Variants in PCDHGA8 observed in about 807,000 individuals in gnomAD.
PCDHGA8 encodes protocadherin gamma-A8.
A neutral mutation model predicts 59.2 loss-of-function variants in PCDHGA8; 45 were observed. The observed-to-expected ratio is 0.76, with a 90% CI of 0.60 to 0.98. The LOEUF (loss-of-function observed/expected upper bound fraction) is 0.98. PCDHGA8 is among the 50% of genes least tolerant of loss of function. PCDHGA8 has a pLI of 0.00. For missense variants in PCDHGA8, 1,257 were observed against 1,196.2 expected (o/e 1.05, Z -0.75); for synonymous variants, 531 against 519.0 (o/e 1.02, Z -0.32).
chr5:141,415,435 C>G, intron 1 of PCDHGA8: 1 of 1,614,202 alleles, frequency 6.2e-7, no homozygotes. Flanking sequence ...TCGGGCTTTC[C>G]TGCAGACCTA....
At chr5:141,447,136 TTTTTTG>T (rs1304915683) in intron 1 of PCDHGA8, among the ~76,000 whole-genome samples, 4 of 152,090 alleles carry the variant, frequency 2.6e-5, no homozygotes, top group Admixed American at 6.6e-5. Context: ...TGTTTGTTTG[TTTTTTG>T]TTTTTGTTTT....
rs2099747616 is a variant in PCDHGA8 at position 141,493,318 on chromosome 5, TA to T, written c.2425-1487del. 6.6e-6 allele frequency among the ~76,000 whole-genome samples: 1 copy of T among 152,234 alleles called. No homozygotes were observed. Among genetic ancestry groups the T allele is most frequent in the South Asian group, 2.1e-4 (1 of 4,828 alleles). On this transcript the variant is annotated intron_variant, in intron 1 of 3. Coordinates refer to ENST00000398604, the MANE Select transcript of PCDHGA8 (RefSeq NM_032088.2). This position sits in a 1 kb window ranked among gnomAD's most constrained non-coding sequence, Gnocchi z 4.3. ...TTCACAGAGCAAGTAAGAGAGATTC[TA>T]ACCCCTGTCTAACTCCAGAATGTGT...
intron 1 of PCDHGA8, chr5:141,400,578 T>C: frequency 6.2e-7 from 1 of 1,610,934 alleles, no homozygotes; most frequent in Non-Finnish European, 8.5e-7. Context: ...TTTCTGTATT[T>C]ACATGAAACT....
chr5:141,492,078 C>T (rs948391194), intron 1 of PCDHGA8: 4 of 483,290 alleles, frequency 8.3e-6, no homozygotes, highest in African/African-American at 2.0e-5. Flanking sequence ...GCGCCGGCTC[C>T]GGCACGCTTC....
intron 1 of PCDHGA8, among the ~76,000 whole-genome samples, chr5:141,436,557 A>G (rs1224841336): frequency 6.6e-6 from 1 of 152,218 alleles, no homozygotes; most frequent in Non-Finnish European, 1.5e-5. Flanking sequence ...GAGCTTCAGC[A>G]AAGTAGGAAT....
chr5:141,430,255 T>TC (rs11167746), intron 1 of PCDHGA8, among the ~76,000 whole-genome samples: 81,857 of 151,872 alleles, frequency 0.54, 24,107 homozygotes, highest in African/African-American at 0.79. Flanking sequence ...GGGAGACATC[T>TC]CCATAATAGG....
At chr5:141,451,179 T>C (rs1039062167) in intron 1 of PCDHGA8, among the ~76,000 whole-genome samples, 6 of 152,162 alleles carry the variant, frequency 3.9e-5, no homozygotes, top group Non-Finnish European at 8.8e-5. Flanking sequence ...TATTTAGCCA[T>C]TGCTGTGTAA....
At chr5:141,445,508 T>C (rs2098468947) in intron 1 of PCDHGA8, among the ~76,000 whole-genome samples, 1 of 152,200 alleles carries the variant, frequency 6.6e-6, no homozygotes, top group Non-Finnish European at 1.5e-5. Context: ...TAATACATGA[T>C]ATTTTACAGG....
At chr5:141,399,916 A>G in intron 1 of PCDHGA8, 3 of 1,612,378 alleles carry the variant, frequency 1.9e-6, no homozygotes, top group Non-Finnish European at 1.7e-6. Context: ...CTCAGGACAC[A>G]ACGCCTGGCT....
chr5:141,419,699 C>A (rs1488905080), intron 1 of PCDHGA8: 1 of 1,612,924 alleles, frequency 6.2e-7, no homozygotes. Context: ...GGCCAGTGAG[C>A]CCGGGCTCTT....
Position 141,505,566 on chromosome 5 carries a change from A to G in PCDHGA8, c.2572+85A>G, listed in dbSNP as rs1363426407. 1.4e-5 allele frequency: 22 copies of G among 1,599,886 alleles called. No individual in the cohort carries two copies. In the East Asian group the frequency reaches 4.7e-4, roughly 34 times the overall value. ...CACAGCCACCATGCCCACGGACTGGATGTCAAACCTGTGTAGTTTCTCCAG... is the reference window on the plus strand; with the variant it reads ...CACAGCCACCATGCCCACGGACTGGGTGTCAAACCTGTGTAGTTTCTCCAG... On this transcript the variant is annotated intron_variant, in intron 3 of 3. Coordinates refer to ENST00000398604, the MANE Select transcript of PCDHGA8 (RefSeq NM_032088.2).
intron 3 of PCDHGA8, among the ~76,000 whole-genome samples, chr5:141,510,266 C>T (rs1202092142): frequency 7.0e-6 from 1 of 143,198 alleles, no homozygotes; most frequent in Non-Finnish European, 1.5e-5. Flanking sequence ...GAGCAGGACT[C>T]CATCTTAAAA....
At chr5:141,454,870 C>T (rs2098805291) in intron 1 of PCDHGA8, among the ~76,000 whole-genome samples, 1 of 131,902 alleles carries the variant, frequency 7.6e-6, no homozygotes, top group Non-Finnish European at 1.5e-5. Context: ...TGCAGTGGCA[C>T]GATCTTGGCT....
Position 141,432,058 on chromosome 5 carries a change from C to T in PCDHGA8, c.2424+36821C>T, listed in dbSNP as rs2097444209. On this transcript the variant is annotated intron_variant, in intron 1 of 3. Coordinates refer to ENST00000398604, the MANE Select transcript of PCDHGA8 (RefSeq NM_032088.2). The surrounding 1 kb of genome is among the most constrained non-coding windows in gnomAD (Gnocchi z 6.0). ...CTGACCGGGGAACCCCGCCCCTATC[C>T]ACGGAAACTCATATCTCGCTGAACG... 1 of 1,614,210 alleles carries T rather than the reference C, an allele frequency of 6.2e-7. No individual in the cohort carries two copies.
chr5:141,504,988 C>T (rs886919738), intron 2 of PCDHGA8, among the ~76,000 whole-genome samples: 2 of 152,036 alleles, frequency 1.3e-5, no homozygotes, highest in African/African-American at 4.8e-5. Context: ...ATGGTGAAAC[C>T]CCGTCTGTAC....
chr5:141,394,260 G>C lies in PCDHGA8; in HGVS notation c.1447G>C (p.Glu483Gln). The C allele has an allele frequency of 6.2e-7, 1 of 1,613,920 alleles. No individual in the cohort carries two copies. The highest frequency in any genetic ancestry group is 8.5e-7 in the Non-Finnish European group (1 of 1,179,870). Residue 483 changes from glutamate to glutamine, a missense_variant, in exon 1 of 4, where the codon GAG becomes CAG. Glu to Gln is a conservative substitution (Grantham distance 29). Coordinates refer to ENST00000398604, the MANE Select transcript of PCDHGA8 (RefSeq NM_032088.2). ...GACTGCACACGACCCCGACAGCCAG[G>C]AGAATGCCCAGGTCACTTACTCTGT... ...SLTAHDPDSQENAQVTYSVTE... is the reference protein window; with the variant it reads ...SLTAHDPDSQQNAQVTYSVTE...
chr5:141,465,049 T>G (rs546927594), intron 1 of PCDHGA8, among the ~76,000 whole-genome samples: 1 of 152,016 alleles, frequency 6.6e-6, no homozygotes, highest in Non-Finnish European at 1.5e-5. Flanking sequence ...ACCCTATATA[T>G]TTTTTTGAAT....
Position 141,432,809 on chromosome 5 carries a change from T to A in PCDHGA8, c.2424+37572T>A. ...CGGCAGCCTCGAGTCTCCAGCTAAC[T>A]CTGAAACCTCAGACCTCACTCTGTA... is the stretch of plus-strand genomic sequence containing the variant. On this transcript the variant is annotated intron_variant, in intron 1 of 3. Coordinates refer to ENST00000398604, the MANE Select transcript of PCDHGA8 (RefSeq NM_032088.2). This position sits in a 1 kb window ranked among gnomAD's most constrained non-coding sequence, Gnocchi z 6.0. The A allele has an allele frequency of 6.2e-7, 1 of 1,613,398 alleles. No homozygotes were observed. Among genetic ancestry groups the A allele is most frequent in the Non-Finnish European group, 8.5e-7 (1 of 1,179,980 alleles).
chr5:141,403,601 G>A, intron 1 of PCDHGA8: 1 of 1,613,814 alleles, frequency 6.2e-7, no homozygotes, highest in Non-Finnish European at 8.5e-7. Flanking sequence ...GGCCTCGGAT[G>A]GCGGCGAGCC....
Sources: gnomAD v4.1 joint callset for allele counts (sites outside exome capture counted in the v4.1 genomes callset) on GRCh38, gnomAD v4.1.1 for gene constraint, Gnocchi (gnomAD v3.1) non-coding constraint, MANE v1.5 for transcripts, NCBI Gene and HGNC (gene_info 2026-07-23, HGNC 2026-07-21) for gene names.